The following TRAPPC3 variants were observed in gnomAD, a reference collection of about 807,000 sequenced individuals.
The protein encoded by TRAPPC3 is trafficking protein particle complex subunit 3.
A neutral mutation model predicts 18.2 loss-of-function variants in TRAPPC3; 5 were observed. That is an observed-to-expected ratio of 0.28 (90% CI 0.14 to 0.58). TRAPPC3 has a LOEUF of 0.58. Among genes scored for constraint, TRAPPC3 ranks in the 20% least tolerant of loss-of-function variants. The pLI is 0.91. For missense variants in TRAPPC3, 176 were observed against 225.9 expected, an observed-to-expected ratio of 0.78 and a Z score of 1.41; for synonymous variants, 65 against 84.2, an observed-to-expected ratio of 0.77 and a Z score of 1.25.
intron 3 of TRAPPC3, among the ~76,000 whole-genome samples, chr1:36,138,754 G>A (rs1644062395): frequency 6.6e-6 from 1 of 152,058 alleles, no homozygotes; most frequent in Admixed American, 6.6e-5. Context: ...ACTGGTGCCG[G>A]GCACAGTGGC....
intron 3 of TRAPPC3, 118 bp downstream of exon 3, chr1:36,139,592 TGACCCAAAGA>T: frequency 7.8e-7 from 1 of 1,284,306 alleles, no homozygotes; most frequent in Admixed American, 2.7e-5. Context: ...AATGTTTTTT[TGACCCAAAGA>T]GCTGCCTAGC....
chr1:36,137,317 C>G lies in TRAPPC3; in HGVS notation c.429G>C (p.Gln143His). The change falls in exon 5 of 5, where the codon CAG becomes CAC. Residue 143 changes from glutamine to histidine, a missense_variant. This residue lies in a region of TRAPPC3 where 29 missense variants were observed against 61.5 expected (regional missense o/e 0.47). Transcript: ENST00000373166. ...GVLRGALEMV[Q>H]MAVEAKFVQD... ...GGACAAACTTGGCCTCCACAGCCAT[C>G]TGGACCTGGGGGACAGTGGGAAAAC... 1 of 1,610,684 alleles carries G rather than the reference C, an allele frequency of 6.2e-7. No homozygotes were observed. The highest frequency in any genetic ancestry group is 1.1e-5 in the South Asian group (1 of 90,990).
At chr1:36,148,420 C>T (rs896319033) in intron 1 of TRAPPC3, among the ~76,000 whole-genome samples, 1 of 152,144 alleles carries the variant, frequency 6.6e-6, no homozygotes, top group African/African-American at 2.4e-5. Context: ...CATGGTGAAA[C>T]CCCATCTCTA....
chr1:36,141,405 C>A (rs1644105640), intron 1 of TRAPPC3, among the ~76,000 whole-genome samples: 1 of 152,186 alleles, frequency 6.6e-6, no homozygotes, highest in Non-Finnish European at 1.5e-5. Flanking sequence ...AAGCAAAGAA[C>A]CTTCCTCTCT....
Position 36,140,123 on chromosome 1 carries a change from TG to T in TRAPPC3, c.85del (p.Gln29SerfsTer12). The T allele has an allele frequency of 1.2e-6, 2 of 1,605,312 alleles. No individual in the cohort carries two copies. The highest frequency in any genetic ancestry group is 1.7e-6 in the Non-Finnish European group (2 of 1,177,510). On this transcript the variant is annotated frameshift_variant, in exon 2 of 5. Coordinates refer to ENST00000373166, the MANE Select transcript of TRAPPC3 (RefSeq NM_014408.5). LOFTEE classifies it high-confidence loss of function. ...ATCATTTTCATAGTCCTTACATAGCTGGGTGACCAGGGCACCATAGGTCAGG... is the reference window on the plus strand; with the variant it reads ...ATCATTTTCATAGTCCTTACATAGCTGGTGACCAGGGCACCATAGGTCAGG... ...FTLTYGALVT[Q>X]LCKDYENDED...
intron 1 of TRAPPC3, among the ~76,000 whole-genome samples, chr1:36,147,770 C>CT (rs1199031996): frequency 3.9e-5 from 6 of 152,134 alleles, no homozygotes; most frequent in African/African-American, 1.4e-4. Context: ...GGCTAAGTGA[C>CT]TATCTAGAAG....
chr1:36,139,791 C>T lies in TRAPPC3; in HGVS notation c.169G>A (p.Glu57Lys). 6.2e-7 allele frequency: 1 copy of T among 1,614,120 alleles called. No homozygotes were observed. ...MGFNIGVRLI[E>K]DFLARSNVGR... ...ACATTTGACCGAGCCAAGAAATCTT[C>T]AATCAGCCGGACTCCAATGTTAAAG... Residue 57 changes from glutamate to lysine, a missense_variant, in exon 3 of 5, where the codon GAA (glutamate) becomes AAA (lysine). Transcript: ENST00000373166.
chr1:36,146,660 G>A (rs1325186781), intron 1 of TRAPPC3, among the ~76,000 whole-genome samples: 8 of 150,930 alleles, frequency 5.3e-5, no homozygotes, highest in Non-Finnish European at 1.0e-4. Context: ...CTTGCCCAAG[G>A]TAACACAGCA....
intron 1 of TRAPPC3, among the ~76,000 whole-genome samples, chr1:36,144,452 A>C (rs1215270541): frequency 6.6e-6 from 1 of 151,986 alleles, no homozygotes; most frequent in Non-Finnish European, 1.5e-5. Flanking sequence ...CAGGAGTTTG[A>C]GACTAGCCTA....
In TRAPPC3 at chr1:36,139,828, G is replaced by A; in HGVS notation, c.141-9C>T. The A allele has an allele frequency of 6.2e-7, 1 of 1,614,038 alleles. No homozygotes were observed. The highest frequency in any genetic ancestry group is 8.5e-7 in the Non-Finnish European group (1 of 1,179,994). On this transcript the variant is annotated splice_polypyrimidine_tract_variant and intron_variant, in intron 2 of 4. Coordinates refer to ENST00000373166, the MANE Select transcript of TRAPPC3 (RefSeq NM_014408.5). Reference sequence around the variant, plus strand: ...CTCCAATGTTAAAGCCCCTGGGAAGGAAGTTAGAGAAGAGACTATGATGGA... The same window carrying A: ...CTCCAATGTTAAAGCCCCTGGGAAGAAAGTTAGAGAAGAGACTATGATGGA...
intron 1 of TRAPPC3, among the ~76,000 whole-genome samples, chr1:36,143,114 T>C (rs1227672399): frequency 1.3e-5 from 2 of 152,140 alleles, no homozygotes; most frequent in African/African-American, 4.8e-5. Flanking sequence ...TGATTCAACA[T>C]TTACTGTGTG....
At chr1:36,142,761 G>GTA (rs1218611522) in intron 1 of TRAPPC3, among the ~76,000 whole-genome samples, 1 of 152,182 alleles carries the variant, frequency 6.6e-6, no homozygotes, top group Admixed American at 6.5e-5. Context: ...CAGGTGCAGT[G>GTA]GCTCATACTG....
At chr1:36,142,813 C>T (rs1033890) in intron 1 of TRAPPC3, among the ~76,000 whole-genome samples, 121,733 of 151,810 alleles carry the variant, frequency 0.8, 49,267 homozygotes, top group East Asian at 0.91. Context: ...AAGGATCACT[C>T]GAGCCCAGGA....
At chr1:36,150,109 C>T (rs1644257362), upstream of TRAPPC3, among the ~76,000 whole-genome samples, 1 of 152,112 alleles carries the variant, frequency 6.6e-6, no homozygotes, top group Non-Finnish European at 1.5e-5. Context: ...CCCCCTAGAA[C>T]AGCTACACTG....
intron 3 of TRAPPC3, 161 bp downstream of exon 3, chr1:36,139,559 T>A: frequency 1.1e-6 from 1 of 870,638 alleles, no homozygotes; most frequent in Non-Finnish European, 1.7e-6. Flanking sequence ...TTAAATAATC[T>A]ATGCTATTCC....
intron 1 of TRAPPC3, among the ~76,000 whole-genome samples, chr1:36,145,943 T>C (rs928390728): frequency 6.1e-5 from 9 of 146,362 alleles, no homozygotes; most frequent in African/African-American, 1.5e-4. Flanking sequence ...CCGGCTAACT[T>C]TTTTTTTTGT....
intron 2 of TRAPPC3, 57 bp from the exon 3 acceptor site, chr1:36,139,876 C>A: frequency 3.1e-6 from 5 of 1,601,090 alleles, no homozygotes; most frequent in Non-Finnish European, 4.3e-6. Flanking sequence ...TATGTTTGAA[C>A]ATAAGGTTGT....
At chr1:36,148,854 G>A (rs1296022375) in intron 1 of TRAPPC3, among the ~76,000 whole-genome samples, 2 of 152,154 alleles carry the variant, frequency 1.3e-5, no homozygotes, top group Admixed American at 1.3e-4. Context: ...TGTAGCCTAA[G>A]AGTAAAGCCT....
exon 1 of TRAPPC3, chr1:36,156,033 GC>G (rs1487908385): frequency 1.0e-5 from 2 of 193,374 alleles, no homozygotes; most frequent in African/African-American, 4.7e-5. Flanking sequence ...GGCGGGGGCG[GC>G]GCGAACGGCG....
Sources: allele counts gnomAD v4.1 joint callset (sites outside exome capture counted in the v4.1 genomes callset), GRCh38; gene constraint gnomAD v4.1.1; regional missense constraint gnomAD v4.1.1; transcripts MANE v1.5; gene names NCBI Gene and HGNC (gene_info 2026-07-23, HGNC 2026-07-21).